Variants in MAPRE3 observed in about 807,000 individuals in gnomAD.
The protein encoded by MAPRE3 is microtubule associated protein RP/EB family member 3.
A neutral mutation model predicts 30.5 loss-of-function variants in MAPRE3; 2 were observed. That is an observed-to-expected ratio of 0.07 (90% CI 0.03 to 0.21). The LOEUF is 0.21. Ranked by LOEUF, MAPRE3 falls within the 10% of genes least tolerant of loss-of-function variation. MAPRE3 has a pLI of 1.00. For missense variants in MAPRE3, 204 were observed against 351.8 expected (o/e 0.58, Z 3.36); for synonymous variants, 110 against 127.7 (o/e 0.86, Z 0.93).
At chr2:26,979,926 TAG>T (rs1251118412) in intron 1 of MAPRE3, among the ~76,000 whole-genome samples, 1 of 152,084 alleles carries the variant, frequency 6.6e-6, no homozygotes, top group Non-Finnish European at 1.5e-5. Context: ...AGTGATCTCA[TAG>T]AACCGGAAGC....
intron 1 of MAPRE3, among the ~76,000 whole-genome samples, chr2:27,016,136 G>A (rs1184057881): frequency 6.6e-6 from 1 of 152,194 alleles, no homozygotes; most frequent in Admixed American, 6.5e-5. Context: ...TTGTCGGTCT[G>A]ATCCTCGAAT....
intron 1 of MAPRE3, among the ~76,000 whole-genome samples, chr2:26,992,811 G>C (rs1666374113): frequency 6.6e-6 from 1 of 152,184 alleles, no homozygotes; most frequent in Admixed American, 6.5e-5. Flanking sequence ...TGTGAAGACT[G>C]TGTAGGCCAG....
chr2:26,981,023 C>T (rs73921431), intron 1 of MAPRE3, among the ~76,000 whole-genome samples: 1,751 of 152,006 alleles, frequency 0.012, 36 homozygotes, highest in African/African-American at 0.04. Flanking sequence ...AAGAAAAGAC[C>T]TTTCTTTCTT....
intron 1 of MAPRE3, among the ~76,000 whole-genome samples, chr2:26,993,731 C>A (rs1666398170): frequency 6.6e-6 from 1 of 152,160 alleles, no homozygotes. Context: ...GAGGAGTCAT[C>A]TGCCCCCTTC....
chr2:27,022,579 G>A (rs990068501), intron 2 of MAPRE3: 1 of 469,744 alleles, frequency 2.1e-6, no homozygotes, highest in African/African-American at 1.9e-5. Flanking sequence ...ACTACTCCTA[G>A]GCTAAAAACA....
At chr2:26,997,326 T>C (rs1253109014) in intron 1 of MAPRE3, among the ~76,000 whole-genome samples, 1 of 152,176 alleles carries the variant, frequency 6.6e-6, no homozygotes. Flanking sequence ...CAACACAAAT[T>C]TGTAAACTTT....
intron 1 of MAPRE3, among the ~76,000 whole-genome samples, chr2:26,991,312 G>A (rs951544783): frequency 1.3e-5 from 2 of 152,164 alleles, no homozygotes; most frequent in Non-Finnish European, 2.9e-5. Context: ...CCCAGGGGAG[G>A]TCGGGTCTGC....
chr2:26,990,207 C>T (rs1437955985), intron 1 of MAPRE3, among the ~76,000 whole-genome samples: 2 of 152,096 alleles, frequency 1.3e-5, no homozygotes, highest in Non-Finnish European at 2.9e-5. Context: ...GATTTTGATG[C>T]AGACCAAAGT....
chr2:27,006,779 C>A (rs1039551054), intron 1 of MAPRE3, among the ~76,000 whole-genome samples: 2 of 152,126 alleles, frequency 1.3e-5, no homozygotes, highest in Admixed American at 6.6e-5. Flanking sequence ...CAGGAGAAAC[C>A]CCAATGAAAG....
chr2:27,021,770 G>C (rs962465908), intron 1 of MAPRE3, among the ~76,000 whole-genome samples: 1 of 152,168 alleles, frequency 6.6e-6, no homozygotes, highest in African/African-American at 2.4e-5. Flanking sequence ...AGTCCCTGTG[G>C]CTGAAATGCC....
At chr2:27,008,921 G>A (rs542593566) in intron 1 of MAPRE3, among the ~76,000 whole-genome samples, 5 of 152,212 alleles carry the variant, frequency 3.3e-5, no homozygotes, top group South Asian at 2.1e-4. Context: ...AGTTAAAGGC[G>A]CTATGCTGAG....
chr2:27,006,842 A>C (rs1666740017), intron 1 of MAPRE3, among the ~76,000 whole-genome samples: 1 of 152,238 alleles, frequency 6.6e-6, no homozygotes, highest in Non-Finnish European at 1.5e-5. Context: ...TCTTCAGAAA[A>C]GAACAATACA....
intron 1 of MAPRE3, among the ~76,000 whole-genome samples, chr2:26,991,494 C>T (rs913689752): frequency 2.0e-5 from 3 of 152,178 alleles, no homozygotes; most frequent in African/African-American, 7.2e-5. Flanking sequence ...CAATTGGCTA[C>T]AAATGGTCTG....
chr2:27,016,295 G>A (rs1157014097), intron 1 of MAPRE3, among the ~76,000 whole-genome samples: 7 of 152,002 alleles, frequency 4.6e-5, no homozygotes, highest in Admixed American at 6.5e-5. Flanking sequence ...TGCCCCCTCC[G>A]AGTGGCTACC....
chr2:27,018,403 G>C (rs1667034452), intron 1 of MAPRE3, among the ~76,000 whole-genome samples: 1 of 152,170 alleles, frequency 6.6e-6, no homozygotes, highest in South Asian at 2.1e-4. Flanking sequence ...GGACCTGGCA[G>C]AGTCTGACCA....
At chr2:26,975,005 C>T (rs775454766) in intron 1 of MAPRE3, among the ~76,000 whole-genome samples, 2 of 152,166 alleles carry the variant, frequency 1.3e-5, no homozygotes, top group South Asian at 2.1e-4. Context: ...CGGGAAGACC[C>T]GGCACTTGCA....
At chr2:26,994,646 A>T (rs935047977) in intron 1 of MAPRE3, among the ~76,000 whole-genome samples, 6 of 152,112 alleles carry the variant, frequency 3.9e-5, no homozygotes, top group Admixed American at 2.6e-4. Context: ...CTTATTTTGC[A>T]CTGATAAATT....
intron 1 of MAPRE3, chr2:26,995,689 T>C (rs971480930): frequency 3.3e-5 from 5 of 151,922 alleles, no homozygotes; most frequent in African/African-American, 1.2e-4. Context: ...TCCTTTATGA[T>C]GGAGTTAAAA....
intron 6 of MAPRE3, 57 bp downstream of exon 6, chr2:27,026,089 A>G: frequency 6.2e-7 from 1 of 1,600,416 alleles, no homozygotes. Flanking sequence ...CTAAGACCAG[A>G]AGCGCGATAG....
Sources: gnomAD v4.1 joint callset for allele counts (sites outside exome capture counted in the v4.1 genomes callset) on GRCh38, gnomAD v4.1.1 for gene constraint, MANE v1.5 for transcripts, NCBI Gene and HGNC (gene_info 2026-07-23, HGNC 2026-07-21) for gene names.